Variants in ITFG1 observed in about 807,000 individuals in gnomAD.
ITFG1 encodes the protein T-cell immunomodulatory protein.
A neutral mutation model predicts 81.8 loss-of-function variants in ITFG1; 34 were observed. That is an observed-to-expected ratio of 0.42 (90% CI 0.32 to 0.55). ITFG1 has a LOEUF of 0.55. Ranked by LOEUF, ITFG1 falls within the 20% of genes least tolerant of loss-of-function variation. The pLI, the probability that ITFG1 is intolerant of heterozygous loss-of-function variation, is 0.17. For missense variants in ITFG1, 672 were observed against 755.4 expected, an observed-to-expected ratio of 0.89 and a Z score of 1.29; for synonymous variants, 285 against 270.6, an observed-to-expected ratio of 1.05 and a Z score of -0.52.
intron 14 of ITFG1, among the ~76,000 whole-genome samples, chr16:47,167,782 C>T (rs1964911627): frequency 6.6e-6 from 1 of 152,140 alleles, no homozygotes; most frequent in Non-Finnish European, 1.5e-5. Flanking sequence ...AAATAATATT[C>T]CATTTTATGT....
chr16:47,303,376 G>C (rs1235734329), intron 10 of ITFG1, among the ~76,000 whole-genome samples: 3 of 152,124 alleles, frequency 2.0e-5, no homozygotes, highest in African/African-American at 7.2e-5. Context: ...AGTGAGAAAA[G>C]GTGATGGGCT....
intron 14 of ITFG1, among the ~76,000 whole-genome samples, chr16:47,209,285 T>A (rs942740711): frequency 6.6e-6 from 1 of 152,204 alleles, no homozygotes; most frequent in African/African-American, 2.4e-5. Context: ...TCATTTAATA[T>A]TATCTATCTG....
At chr16:47,295,168 T>A (rs1345386393) in intron 10 of ITFG1, among the ~76,000 whole-genome samples, 1 of 152,218 alleles carries the variant, frequency 6.6e-6, no homozygotes, top group Non-Finnish European at 1.5e-5. Context: ...TTTGCATATG[T>A]TGAACCATCT....
chr16:47,180,721 C>G (rs984498184), intron 14 of ITFG1, among the ~76,000 whole-genome samples: 7 of 152,178 alleles, frequency 4.6e-5, no homozygotes, highest in Non-Finnish European at 1.0e-4. Flanking sequence ...GTGGCATGAT[C>G]TCAGCTCGCT....
chr16:47,255,553 G>A (rs902233237), intron 12 of ITFG1, among the ~76,000 whole-genome samples: 5 of 152,196 alleles, frequency 3.3e-5, no homozygotes, highest in Non-Finnish European at 5.9e-5. Context: ...GCTTCTTAGA[G>A]ACACAGATGA....
At chr16:47,325,040 G>A (rs1390977415) in intron 8 of ITFG1, among the ~76,000 whole-genome samples, 1 of 152,144 alleles carries the variant, frequency 6.6e-6, no homozygotes, top group Non-Finnish European at 1.5e-5. Flanking sequence ...ATTCTTTTCA[G>A]CACCACACCA....
chr16:47,332,512 T>C (rs758454772), intron 8 of ITFG1, among the ~76,000 whole-genome samples: 1 of 152,248 alleles, frequency 6.6e-6, no homozygotes, highest in Non-Finnish European at 1.5e-5. Flanking sequence ...TGTTCATATT[T>C]TCCTAATGAT....
At chr16:47,259,635 T>G (rs997082777) in intron 11 of ITFG1, among the ~76,000 whole-genome samples, 6 of 152,310 alleles carry the variant, frequency 3.9e-5, no homozygotes, top group African/African-American at 1.4e-4. Context: ...AATGTCCTAT[T>G]GGGCACTTAA....
intron 6 of ITFG1, among the ~76,000 whole-genome samples, chr16:47,403,408 T>A (rs1968687562): frequency 6.6e-6 from 1 of 151,988 alleles, no homozygotes. Flanking sequence ...TTTTCATTTT[T>A]TTTTAAAAAA....
At chr16:47,243,719 G>C (rs890315904) in intron 12 of ITFG1, among the ~76,000 whole-genome samples, 3 of 152,148 alleles carry the variant, frequency 2.0e-5, no homozygotes, top group African/African-American at 7.2e-5. Flanking sequence ...CAAGATGCAT[G>C]CAAATATGTT....
In ITFG1 at chr16:47,428,858, T is replaced by C; in HGVS notation, c.601A>G (p.Met201Val). The C allele has an allele frequency of 1.2e-6, 2 of 1,610,442 alleles. No individual in the cohort carries two copies. Among genetic ancestry groups the C allele is most frequent in the Non-Finnish European group, 8.5e-7 (1 of 1,178,124 alleles). The change falls in exon 6 of 18, where the codon ATG (methionine) becomes GTG (valine). Residue 201 changes from methionine (M) to valine (V), a missense_variant. Met to Val is a conservative substitution (Grantham distance 21). This residue lies in a region of ITFG1 where 560 missense variants were observed against 625.7 expected (regional missense o/e 0.90). Transcript: ENST00000320640. ...WHPALTTTSK[M>V]RIPHSHAFID... ...AATGCATGAGAATGTGGAATTCGCA[T>C]TTTACTTGTAGTGGTCAATGCTGGA...
chr16:47,295,283 TACTTGTCTA>T (rs1250166845), intron 10 of ITFG1, among the ~76,000 whole-genome samples: 2 of 152,226 alleles, frequency 1.3e-5, no homozygotes, highest in Non-Finnish European at 2.9e-5. Context: ...TTTTGTTGTG[TACTTGTCTA>T]ACTTTGGTAT....
In ITFG1 at chr16:47,161,621, G is replaced by A. The variant is rs868135879; in HGVS notation, c.1661+129C>T. 33 of 560,124 alleles carry A rather than the reference G, an allele frequency of 5.9e-5. No individual in the cohort carries two copies. In the Admixed American group the frequency reaches 6.4e-4, roughly 11 times the overall value. The allele number at this position is 560,124 out of a possible 1,614,324, so 34.7% of individuals were successfully genotyped here. On this transcript the variant is annotated intron_variant, in intron 16 of 17. Transcript: ENST00000320640. ...TATGTTTAGTCATTTAAAGTTTGCC[G>A]TAAGCAAATTAAGGGATGGGCACTC...
At chr16:47,411,216 T>G (rs879761776) in intron 6 of ITFG1, among the ~76,000 whole-genome samples, 1 of 152,128 alleles carries the variant, frequency 6.6e-6, no homozygotes, top group African/African-American at 2.4e-5. Flanking sequence ...GACACAGATT[T>G]GTGGACTGGC....
At chr16:47,390,600 A>G (rs1199311236) in intron 6 of ITFG1, among the ~76,000 whole-genome samples, 1 of 152,030 alleles carries the variant, frequency 6.6e-6, no homozygotes, top group Non-Finnish European at 1.5e-5. Flanking sequence ...CTGGGATTAC[A>G]GGGCACCCGC....
intron 10 of ITFG1, among the ~76,000 whole-genome samples, chr16:47,268,701 G>A (rs1162794965): frequency 6.6e-6 from 1 of 152,200 alleles, no homozygotes; most frequent in Non-Finnish European, 1.5e-5. Flanking sequence ...TCTGCTCTGT[G>A]ATTACCAGCC....
chr16:47,454,130 C>T lies in ITFG1; in HGVS notation c.310G>A (p.Val104Ile). Residue 104 changes from valine (V) to isoleucine (I), a missense_variant, in exon 3 of 18, where the codon GTC (valine) becomes ATC (isoleucine). Val to Ile is a conservative substitution (Grantham distance 29, BLOSUM62 3). Around this residue, in one of 3 missense-constraint regions of ITFG1, gnomAD observed 560 missense variants for 625.7 expected, o/e 0.90. Transcript: ENST00000320640. ...KNHSALITSV[V>I]PGDYDGDSQM... is the part of the protein sequence containing the mutation. ...GAATCTCCATCATAATCCCCAGGGA[C>T]TACACTTGTTATCAATGCACTGTGA... 6.2e-7 allele frequency: 1 copy of T among 1,606,880 alleles called. No homozygotes were observed. The highest frequency in any genetic ancestry group is 1.1e-5 in the South Asian group (1 of 90,244).
chr16:47,280,506 G>A (rs1966439995), intron 10 of ITFG1, among the ~76,000 whole-genome samples: 2 of 152,082 alleles, frequency 1.3e-5, no homozygotes, highest in Admixed American at 1.3e-4. Context: ...TGGTATAATG[G>A]GAAATATATA....
chr16:47,162,500 A>C (rs766418536), intron 15 of ITFG1, 40 bp downstream of exon 15: 1 of 1,486,030 alleles, frequency 6.7e-7, no homozygotes, highest in African/African-American at 1.4e-5. Flanking sequence ...GTGAATATTA[A>C]AACATAGATT....
Sources: allele counts gnomAD v4.1 joint callset (sites outside exome capture counted in the v4.1 genomes callset), GRCh38; gene constraint gnomAD v4.1.1; regional missense constraint gnomAD v4.1.1; transcripts MANE v1.5; gene names NCBI Gene and HGNC (gene_info 2026-07-23, HGNC 2026-07-21).